ELOVL7: variants seen among roughly 807,000 people sequenced by gnomAD.
The protein encoded by ELOVL7 is ELOVL fatty acid elongase 7.
A neutral mutation model predicts 35.7 loss-of-function variants in ELOVL7; 27 were observed. The observed-to-expected ratio is 0.76, with a 90% CI of 0.56 to 1.04. The LOEUF (loss-of-function observed/expected upper bound fraction) is 1.04. Ranked by LOEUF, ELOVL7 falls within the 50% of genes least tolerant of loss-of-function variation. The probability of loss-of-function intolerance (pLI) is 0.00; values close to 1 mark genes in which losing one functional copy is unlikely to be tolerated. For missense variants in ELOVL7, 327 were observed against 340.8 expected, an observed-to-expected ratio of 0.96 and a Z score of 0.32; for synonymous variants, 113 against 114.6, an observed-to-expected ratio of 0.99 and a Z score of 0.09.
chr5:60,840,660 A>G (rs889618041), intron 1 of ELOVL7, among the ~76,000 whole-genome samples: 7 of 152,196 alleles, frequency 4.6e-5, no homozygotes, highest in Admixed American at 4.6e-4. Context: ...CTTCCTAGAG[A>G]GAGAAGTTAG....
At chr5:60,822,868 A>C (rs1235488877) in intron 1 of ELOVL7, among the ~76,000 whole-genome samples, 1 of 152,218 alleles carries the variant, frequency 6.6e-6, no homozygotes, top group Non-Finnish European at 1.5e-5. Context: ...AATAGGGTCA[A>C]ATGCATCAGA....
At chr5:60,833,591 C>A (rs1740823902) in intron 1 of ELOVL7, among the ~76,000 whole-genome samples, 1 of 152,104 alleles carries the variant, frequency 6.6e-6, no homozygotes, top group South Asian at 2.1e-4. Flanking sequence ...AAAAATTAAA[C>A]CTACATTAGA....
At position 60,764,333 on chromosome 5, in the gene ELOVL7, C is replaced by T. The variant is rs757103401; in HGVS notation, c.394-1G>A. 6.2e-7 allele frequency: 1 copy of T among 1,600,732 alleles called. No individual in the cohort carries two copies. On this transcript the variant is annotated splice_acceptor_variant, in intron 6 of 8. Transcript: ENST00000508821. LOFTEE classifies it high-confidence loss of function. Reference sequence around the variant, plus strand: ...TTTTCTTGCGCAGAACAAAAAAGATCTGAAATAATTTAAAGAATATCAAGT... The same window carrying T: ...TTTTCTTGCGCAGAACAAAAAAGATTTGAAATAATTTAAAGAATATCAAGT...
intron 2 of ELOVL7, among the ~76,000 whole-genome samples, chr5:60,792,178 A>G (rs1043567579): frequency 6.6e-6 from 1 of 152,136 alleles, no homozygotes; most frequent in Admixed American, 6.5e-5. Context: ...TATGAAAAAG[A>G]TCCAGTAACC....
intron 7 of ELOVL7, among the ~76,000 whole-genome samples, chr5:60,757,873 T>A (rs1222771003): frequency 6.6e-6 from 1 of 152,176 alleles, no homozygotes; most frequent in Non-Finnish European, 1.5e-5. Context: ...TTTTGTTATA[T>A]CTTAGCTTAA....
intron 2 of ELOVL7, among the ~76,000 whole-genome samples, chr5:60,789,241 C>T (rs757009975): frequency 7.9e-5 from 12 of 152,146 alleles, no homozygotes; most frequent in East Asian, 5.8e-4. Flanking sequence ...TCATAGACAA[C>T]GGCTACTCTC....
At chr5:60,818,082 C>A (rs1397161210) in intron 1 of ELOVL7, among the ~76,000 whole-genome samples, 1 of 151,642 alleles carries the variant, frequency 6.6e-6, no homozygotes, top group Non-Finnish European at 1.5e-5. Flanking sequence ...CTTTGGGAGG[C>A]CGAGGCAGGT....
intron 2 of ELOVL7, among the ~76,000 whole-genome samples, chr5:60,788,417 G>A (rs1393928743): frequency 1.3e-5 from 2 of 152,126 alleles, no homozygotes; most frequent in African/African-American, 4.8e-5. Context: ...AATGGTTAAA[G>A]TGGTAACCAT....
At chr5:60,817,848 G>A (rs961391492) in intron 1 of ELOVL7, among the ~76,000 whole-genome samples, 5 of 143,242 alleles carry the variant, frequency 3.5e-5, no homozygotes, top group South Asian at 4.7e-4. Context: ...GTGTGTGTGT[G>A]TATATATATA....
chr5:60,805,484 G>A (rs1744873026), intron 1 of ELOVL7, among the ~76,000 whole-genome samples: 1 of 152,208 alleles, frequency 6.6e-6, no homozygotes, highest in Admixed American at 6.5e-5. Flanking sequence ...TGTTGACCAT[G>A]AGGAGTCATT....
intron 1 of ELOVL7, among the ~76,000 whole-genome samples, chr5:60,808,680 T>C (rs1037364551): frequency 2.0e-5 from 3 of 152,210 alleles, no homozygotes; most frequent in Admixed American, 1.3e-4. Flanking sequence ...TGAATGTTTA[T>C]AGTGACTTTA....
At chr5:60,832,554 T>C (rs891367998) in intron 1 of ELOVL7, among the ~76,000 whole-genome samples, 1 of 152,136 alleles carries the variant, frequency 6.6e-6, no homozygotes, top group Non-Finnish European at 1.5e-5. Flanking sequence ...TTAGTAGAGA[T>C]GGAGTTTCAC....
chr5:60,786,290 C>T (rs1743580535), intron 3 of ELOVL7, among the ~76,000 whole-genome samples: 1 of 152,084 alleles, frequency 6.6e-6, no homozygotes, highest in Non-Finnish European at 1.5e-5. Context: ...TACTTTTGTT[C>T]TGCTTTTAAA....
chr5:60,832,522 C>T (rs574942402), intron 1 of ELOVL7, among the ~76,000 whole-genome samples: 3 of 152,162 alleles, frequency 2.0e-5, no homozygotes, highest in Non-Finnish European at 4.4e-5. Flanking sequence ...CCCACCACCA[C>T]ACCTAGCTAA....
chr5:60,780,922 C>T (rs1402817626), intron 3 of ELOVL7, among the ~76,000 whole-genome samples: 2 of 151,898 alleles, frequency 1.3e-5, no homozygotes, highest in Non-Finnish European at 2.9e-5. Context: ...CTAATGAAAA[C>T]AATACTGGCC....
chr5:60,802,776 ACTAAACAC>A (rs1467187266), intron 1 of ELOVL7: 1 of 152,242 alleles, frequency 6.6e-6, no homozygotes, highest in Non-Finnish European at 1.5e-5. Context: ...TGTCAAAGAT[ACTAAACAC>A]CTAACTTTCT....
At chr5:60,777,734 A>G (rs1262646368) in intron 3 of ELOVL7, among the ~76,000 whole-genome samples, 1 of 152,188 alleles carries the variant, frequency 6.6e-6, no homozygotes, top group Non-Finnish European at 1.5e-5. Context: ...TTACTGAAGG[A>G]AAAAACATAA....
At chr5:60,797,069 T>G (rs1452356293) in intron 2 of ELOVL7, among the ~76,000 whole-genome samples, 1 of 152,250 alleles carries the variant, frequency 6.6e-6, no homozygotes, top group Non-Finnish European at 1.5e-5. Flanking sequence ...ATAGTTTATC[T>G]GCTGGAATTG....
chr5:60,757,747 A>C, intron 7 of ELOVL7, 102 bp from the exon 8 acceptor site: 1 of 976,582 alleles, frequency 1.0e-6, no homozygotes. Flanking sequence ...TGCATTTTGG[A>C]AAAAAATATA....
Sources: allele counts gnomAD v4.1 joint callset (sites outside exome capture counted in the v4.1 genomes callset), GRCh38; gene constraint gnomAD v4.1.1; transcripts MANE v1.5; gene names NCBI Gene and HGNC (gene_info 2026-07-23, HGNC 2026-07-21).